The following LAMA2 variants were observed in gnomAD, a reference collection of about 807,000 sequenced individuals.
LAMA2 encodes laminin subunit alpha 2, also known as laminin subunit alpha-2.
Under a neutral mutation model 364.8 loss-of-function variants are expected in LAMA2, and 269 were observed. The observed-to-expected ratio is 0.74, with a 90% CI of 0.67 to 0.82. LAMA2 has a LOEUF of 0.82. Ranked by LOEUF, LAMA2 falls within the 40% of genes least tolerant of loss-of-function variation. The pLI, the probability that LAMA2 is intolerant of heterozygous loss-of-function variation, is 0.00. For synonymous variants in LAMA2, 1,379 were observed against 1,370.6 expected, an observed-to-expected ratio of 1.01 and a Z score of -0.14; for missense variants, 3,807 against 3,873.2, an observed-to-expected ratio of 0.98 and a Z score of 0.45.
At chr6:129,162,861 G>T (rs1287617126) in intron 8 of LAMA2, among the ~76,000 whole-genome samples, 1 of 151,774 alleles carries the variant, frequency 6.6e-6, no homozygotes, top group Non-Finnish European at 1.5e-5. Flanking sequence ...AAAAGGAGAA[G>T]TAGAAGAAGG....
At chr6:129,286,130 A>G (rs1318643101) in intron 18 of LAMA2, among the ~76,000 whole-genome samples, 1 of 152,180 alleles carries the variant, frequency 6.6e-6, no homozygotes, top group East Asian at 1.9e-4. Context: ...CTTTCTCTAA[A>G]TAATGACTGC....
At chr6:128,931,596 G>A (rs1481791971) in intron 1 of LAMA2, among the ~76,000 whole-genome samples, 4 of 152,134 alleles carry the variant, frequency 2.6e-5, no homozygotes, top group Non-Finnish European at 5.9e-5. Flanking sequence ...GGACATGAAT[G>A]GTACAGGAGA....
chr6:129,358,593 G>GCTTCC (rs1182862704), intron 32 of LAMA2, among the ~76,000 whole-genome samples: 1 of 152,018 alleles, frequency 6.6e-6, no homozygotes, highest in East Asian at 1.9e-4. Flanking sequence ...GAAGCATGGT[G>GCTTCC]TTATGAAGTG....
intron 14 of LAMA2, among the ~76,000 whole-genome samples, chr6:129,256,518 T>C (rs1317482878): frequency 1.3e-5 from 2 of 152,040 alleles, no homozygotes; most frequent in East Asian, 3.9e-4. Context: ...TGTACATTTA[T>C]GATAATATAA....
At chr6:129,455,602 A>C (rs1186371904) in intron 47 of LAMA2, among the ~76,000 whole-genome samples, 1 of 152,208 alleles carries the variant, frequency 6.6e-6, no homozygotes, top group Non-Finnish European at 1.5e-5. Flanking sequence ...CTTGTCTCAA[A>C]AGAGAGACCA....
At chr6:129,440,694 A>G in intron 42 of LAMA2, 122 bp from the exon 43 acceptor site, 1 of 874,734 alleles carries the variant, frequency 1.1e-6, no homozygotes, top group South Asian at 1.4e-5. Context: ...GACAAAGTTC[A>G]GCCTTTTCCC....
At chr6:129,338,109 A>G (rs560816226) in intron 29 of LAMA2, among the ~76,000 whole-genome samples, 3 of 152,196 alleles carry the variant, frequency 2.0e-5, no homozygotes, top group Non-Finnish European at 4.4e-5. Context: ...GAAATTATGT[A>G]GACTTACAGG....
intron 12 of LAMA2, among the ~76,000 whole-genome samples, chr6:129,242,393 C>T (rs1022677517): frequency 6.6e-5 from 10 of 152,170 alleles, no homozygotes; most frequent in African/African-American, 1.9e-4. Flanking sequence ...TTGACAATAG[C>T]AAGCCTGTTT....
intron 1 of LAMA2, among the ~76,000 whole-genome samples, chr6:128,888,989 C>G (rs1776298673): frequency 6.6e-6 from 1 of 152,188 alleles, no homozygotes; most frequent in Non-Finnish European, 1.5e-5. Flanking sequence ...CTTCAACCAT[C>G]TTATCATGGT....
At chr6:129,452,855 G>A (rs1782752234) in intron 45 of LAMA2, 133 bp from the exon 46 acceptor site, 2 of 784,896 alleles carry the variant, frequency 2.5e-6, no homozygotes, top group Non-Finnish European at 4.3e-6. Context: ...GCATATGGGT[G>A]TTTAATGATA....
chr6:129,081,428 G>A (rs577004767), intron 3 of LAMA2, among the ~76,000 whole-genome samples: 6 of 152,114 alleles, frequency 3.9e-5, no homozygotes, highest in African/African-American at 9.6e-5. Context: ...TGAAATGTCC[G>A]TATATTTTCT....
At chr6:129,495,025 C>G (rs1185191408) in intron 58 of LAMA2, among the ~76,000 whole-genome samples, 1 of 152,134 alleles carries the variant, frequency 6.6e-6, no homozygotes, top group African/African-American at 2.4e-5. Context: ...TTGGCAAGAG[C>G]CCTAAAGATC....
intron 32 of LAMA2, among the ~76,000 whole-genome samples, chr6:129,361,603 G>A (rs1342800748): frequency 6.6e-6 from 1 of 152,080 alleles, no homozygotes; most frequent in African/African-American, 2.4e-5. Flanking sequence ...GGCTAACCTG[G>A]GATTGTTCTG....
chr6:129,229,929 G>A (rs75960369), intron 12 of LAMA2, among the ~76,000 whole-genome samples: 7,794 of 152,176 alleles, frequency 0.051, 298 homozygotes, highest in Middle Eastern at 0.088. Flanking sequence ...ATTATATATC[G>A]AGGTGTAAAT....
chr6:129,062,613 T>C (rs1167482367), intron 3 of LAMA2, among the ~76,000 whole-genome samples: 1 of 152,176 alleles, frequency 6.6e-6, no homozygotes, highest in African/African-American at 2.4e-5. Flanking sequence ...TTCTGTCTTT[T>C]CTACCTACCG....
Position 128,983,309 on chromosome 6 carries a change from C to T in LAMA2, c.113-66609C>T, listed in dbSNP as rs1395194266. ...GACTTTTTAATGATTGCCATTCTAA[C>T]TGGTGTGAGATGGTATCTCATTGTG... On this transcript the variant is annotated intron_variant, in intron 1 of 64. Coordinates refer to ENST00000421865, the MANE Select transcript of LAMA2 (RefSeq NM_000426.4). Among the ~76,000 whole-genome samples, 6 of 152,030 alleles carry T rather than the reference C, an allele frequency of 3.9e-5. 1 individual carries two copies.
intron 43 of LAMA2, among the ~76,000 whole-genome samples, chr6:129,441,303 T>C (rs1583757713): frequency 6.6e-6 from 1 of 152,174 alleles, no homozygotes; most frequent in South Asian, 2.1e-4. Context: ...TGTGTGTAAT[T>C]AAAAACACAG....
At chr6:129,020,732 A>T (rs1785401384) in intron 1 of LAMA2, among the ~76,000 whole-genome samples, 1 of 152,132 alleles carries the variant, frequency 6.6e-6, no homozygotes, top group Non-Finnish European at 1.5e-5. Flanking sequence ...TGACAATTAC[A>T]TTCCTTCTGG....
At chr6:129,005,419 C>A (rs913319082) in intron 1 of LAMA2, among the ~76,000 whole-genome samples, 6 of 151,864 alleles carry the variant, frequency 4.0e-5, no homozygotes, top group African/African-American at 1.5e-4. Flanking sequence ...TACTAACATT[C>A]TCATCAGGCT....
Sources: gnomAD v4.1 joint callset for allele counts (sites outside exome capture counted in the v4.1 genomes callset) on GRCh38, gnomAD v4.1.1 for gene constraint, MANE v1.5 for transcripts, NCBI Gene and HGNC (gene_info 2026-07-23, HGNC 2026-07-21) for gene names.